Variants in IL1RAPL1 observed in about 807,000 individuals in gnomAD.
The protein encoded by IL1RAPL1 is interleukin 1 receptor accessory protein like 1.
IL1RAPL1 carries 3 observed loss-of-function variants against 48.4 expected under a neutral mutation model. The observed-to-expected ratio is 0.06, with a 90% CI of 0.03 to 0.16. The LOEUF (loss-of-function observed/expected upper bound fraction) is 0.16. Ranked by LOEUF, IL1RAPL1 falls within the 10% of genes least tolerant of loss-of-function variation. The pLI is 1.00. For synonymous variants in IL1RAPL1, 185 were observed against 187.7 expected, an observed-to-expected ratio of 0.99 and a Z score of 0.12; for missense variants, 349 against 530.6, an observed-to-expected ratio of 0.66 and a Z score of 3.36.
chrX:28,981,090 C>CAAAAAAAAA (rs57824632), intron 2 of IL1RAPL1, among the ~76,000 whole-genome samples: 8 of 24,304 alleles, frequency 3.3e-4, no homozygotes, highest in East Asian at 1.4e-3. Context: ...GACCCTGTCT[C>CAAAAAAAAA]AAAAAAAAAA....
chrX:28,847,088 C>T (rs936534105), intron 2 of IL1RAPL1, among the ~76,000 whole-genome samples: 12 of 111,615 alleles, frequency 1.1e-4, no homozygotes, highest in Non-Finnish European at 1.7e-4. Flanking sequence ...AAATTCCTTA[C>T]TTTTTCTCCC....
intron 2 of IL1RAPL1, among the ~76,000 whole-genome samples, chrX:28,837,390 A>G (rs1454775412): frequency 9.0e-6 from 1 of 111,313 alleles, no homozygotes; most frequent in African/African-American, 3.3e-5. Flanking sequence ...CAGTGTAGCA[A>G]AAGGCCTACT....
At chrX:29,264,910 AT>A (rs1195850605) in intron 2 of IL1RAPL1, among the ~76,000 whole-genome samples, 1 of 110,501 alleles carries the variant, frequency 9.0e-6, no homozygotes, top group Non-Finnish European at 1.9e-5. Context: ...TGTTTCTTTA[AT>A]TTTTTTATTA....
At chrX:28,747,146 ATTG>A (rs1325906875) in intron 1 of IL1RAPL1, among the ~76,000 whole-genome samples, 1 of 110,966 alleles carries the variant, frequency 9.0e-6, no homozygotes, top group Non-Finnish European at 1.9e-5. Context: ...ATTTCATGTT[ATTG>A]TTGCCTGATA....
chrX:28,625,737 C>CGTGTGT (rs112613600), intron 1 of IL1RAPL1, among the ~76,000 whole-genome samples: 251 of 99,306 alleles, frequency 2.5e-3, no homozygotes, highest in African/African-American at 8.6e-3. Flanking sequence ...AATCAAAATG[C>CGTGTGT]GTGTGTGTGT....
At chrX:28,792,836 T>A (rs1310131109) in intron 2 of IL1RAPL1, among the ~76,000 whole-genome samples, 1 of 60,336 alleles carries the variant, frequency 1.7e-5, no homozygotes, top group Non-Finnish European at 2.8e-5. Flanking sequence ...TATATATATA[T>A]ATATATATAT....
chrX:29,205,336 T>C (rs755457679), intron 2 of IL1RAPL1, among the ~76,000 whole-genome samples: 1 of 112,212 alleles, frequency 8.9e-6, no homozygotes, highest in African/African-American at 3.2e-5. Context: ...ACATTCGAAT[T>C]AAAGAAACAA....
intron 5 of IL1RAPL1, among the ~76,000 whole-genome samples, chrX:29,536,932 T>TATTATATAAACAATGGCTTATATAATAAA (rs1196112743): frequency 1.1e-4 from 12 of 110,680 alleles, no homozygotes; most frequent in African/African-American, 3.3e-4. Context: ...GCAATGGCTT[T>TATTATATAAACAATGGCTTATATAATAAA]ATTATATAAA....
At chrX:29,160,980 C>T (rs773196736) in intron 2 of IL1RAPL1, among the ~76,000 whole-genome samples, 1 of 110,824 alleles carries the variant, frequency 9.0e-6, no homozygotes, top group Non-Finnish European at 1.9e-5. Flanking sequence ...ATCGCTTGAG[C>T]CCGGGAGGCG....
intron 5 of IL1RAPL1, among the ~76,000 whole-genome samples, chrX:29,588,307 T>C (rs923303235): frequency 8.9e-6 from 1 of 112,386 alleles, no homozygotes; most frequent in Admixed American, 9.4e-5. Context: ...TATGGTGTAA[T>C]GGATAAGGCT....
chrX:29,669,139 T>C (rs181664841), intron 6 of IL1RAPL1, among the ~76,000 whole-genome samples: 52 of 111,517 alleles, frequency 4.7e-4, no homozygotes, highest in Middle Eastern at 4.7e-3. Context: ...TTGAGTTTGA[T>C]TTAGCTATAT....
At chrX:28,693,126 C>A (rs983723899) in intron 1 of IL1RAPL1, among the ~76,000 whole-genome samples, 2 of 111,878 alleles carry the variant, frequency 1.8e-5, no homozygotes, top group African/African-American at 6.5e-5. Flanking sequence ...CACTGGAATA[C>A]CTTGATCTCT....
In IL1RAPL1 at chrX:28,659,607, G is replaced by GGCT. The variant is rs914849501; in HGVS notation, c.-25+71563_-25+71565dup. On this transcript the variant is annotated intron_variant, in intron 1 of 10. Transcript: ENST00000378993. ...GCGACGGTGGCGGTGGCGCGGCGGC[G>GGCT]GCTGCGAACACAATTGCTCCAATTA... 9 of 397,646 alleles carry GGCT rather than the reference G, an allele frequency of 2.3e-5. No individual in the cohort carries two copies. The East Asian group carries it at 3.1e-4, about 14-fold the overall frequency. 32.8% of individuals were successfully genotyped at this position (397,646 alleles called of 1,213,427 possible).
At chrX:29,261,164 G>C (rs943957666) in intron 2 of IL1RAPL1, among the ~76,000 whole-genome samples, 2 of 109,598 alleles carry the variant, frequency 1.8e-5, no homozygotes, top group African/African-American at 6.6e-5. Flanking sequence ...TTTCCAACTT[G>C]AAGTCGACTT....
chrX:28,861,296 G>A (rs768516403), intron 2 of IL1RAPL1, among the ~76,000 whole-genome samples: 2 of 111,977 alleles, frequency 1.8e-5, no homozygotes, highest in Admixed American at 1.9e-4. Flanking sequence ...ACTGATAATA[G>A]TAAGGGCAGG....
chrX:28,971,309 T>G (rs1441545922), intron 2 of IL1RAPL1, among the ~76,000 whole-genome samples: 1 of 112,431 alleles, frequency 8.9e-6, no homozygotes, highest in Non-Finnish European at 1.9e-5. Flanking sequence ...AAATTCTGAA[T>G]GATTTTTGTT....
intron 5 of IL1RAPL1, among the ~76,000 whole-genome samples, chrX:29,424,639 CTG>C (rs771554795): frequency 8.9e-6 from 1 of 111,798 alleles, no homozygotes; most frequent in Admixed American, 9.5e-5. Context: ...AGGGGAACAA[CTG>C]TGAAGCAGGG....
chrX:29,550,839 T>G (rs1438837744), intron 5 of IL1RAPL1, among the ~76,000 whole-genome samples: 1 of 112,207 alleles, frequency 8.9e-6, no homozygotes, highest in African/African-American at 3.2e-5. Flanking sequence ...TCGCATAACA[T>G]AAAATGTACC....
In IL1RAPL1 at chrX:29,368,423, C is replaced by T. The variant is rs543169958; in HGVS notation, c.363-27835C>T. Among the ~76,000 whole-genome samples the T allele has an allele frequency of 1.7e-4, 19 of 111,623 alleles. No homozygotes were observed. The East Asian group carries it at 5.1e-3, about 30-fold the overall frequency. On this transcript the variant is annotated intron_variant, in intron 3 of 10. Transcript: ENST00000378993. ...TTGAGACAAGGTCTTGCTTTGCCCA[C>T]CAGGCTGGAGTGCAGTGGCGCAACC...
Sources: gnomAD v4.1 joint callset for allele counts (sites outside exome capture counted in the v4.1 genomes callset) on GRCh38, gnomAD v4.1.1 for gene constraint, MANE v1.5 for transcripts, NCBI Gene and HGNC (gene_info 2026-07-23, HGNC 2026-07-21) for gene names.